The following FRY variants were observed in gnomAD, a reference collection of about 807,000 sequenced individuals.
FRY encodes the protein protein furry homolog.
In FRY, 128 loss-of-function variants were observed where a neutral mutation model predicts 348.4. The ratio of observed to expected loss-of-function variants is 0.37; its 90% CI spans 0.32 to 0.43. FRY has a LOEUF of 0.43. FRY is among the 20% of genes least tolerant of loss of function. The probability of loss-of-function intolerance (pLI) is 1.00; values close to 1 mark genes in which losing one functional copy is unlikely to be tolerated. For synonymous variants in FRY, 1,370 were observed against 1,374.7 expected, an observed-to-expected ratio of 1.00 and a Z score of 0.08; for missense variants, 2,736 against 3,695.2, an observed-to-expected ratio of 0.74 and a Z score of 6.73.
rs142125885 is a variant in FRY at position 32,261,299 on chromosome 13, T to C, written c.7417-317T>C. 4.4e-3 allele frequency among the ~76,000 whole-genome samples: 666 copies of C among 152,330 alleles called. 2 individuals carry two copies. The highest frequency in any genetic ancestry group is 0.02 in the Middle Eastern group (6 of 294). On this transcript the variant is annotated intron_variant, in intron 51 of 60. Coordinates refer to ENST00000542859, the MANE Select transcript of FRY (RefSeq NM_023037.3). ...GAAGTTTTCATACTAATGGTCTCTT[T>C]GTTACAGATTTTTGAAAACACAGAT...
At chr13:32,263,072 T>A (rs904373146) in intron 53 of FRY, among the ~76,000 whole-genome samples, 2 of 152,230 alleles carry the variant, frequency 1.3e-5, no homozygotes, top group Non-Finnish European at 2.9e-5. Context: ...TATATTTCAT[T>A]TAAAGTTTAT....
At chr13:32,212,227 G>A in intron 34 of FRY, 65 bp from the exon 35 acceptor site, 4 of 872,458 alleles carry the variant, frequency 4.6e-6, no homozygotes, top group African/African-American at 1.7e-5. Flanking sequence ...AATTACTTGA[G>A]ACTTGAGCTT....
chr13:32,058,604 TCACCTGTC>T (rs1459591433), intron 1 of FRY, among the ~76,000 whole-genome samples: 1 of 152,226 alleles, frequency 6.6e-6, no homozygotes, highest in Non-Finnish European at 1.5e-5. Context: ...TTAGGATCCT[TCACCTGTC>T]CATGATTTTT....
chr13:32,202,289 C>A, intron 30 of FRY, 67 bp from the exon 31 acceptor site: 2 of 1,231,668 alleles, frequency 1.6e-6, no homozygotes, highest in Non-Finnish European at 2.4e-6. Context: ...TTGTTAAATA[C>A]AAATGCTCAT....
At chr13:32,111,667 C>T (rs879581752) in intron 3 of FRY, among the ~76,000 whole-genome samples, 10 of 152,126 alleles carry the variant, frequency 6.6e-5, no homozygotes, top group South Asian at 2.1e-4. Context: ...TTTTACAGAA[C>T]GCTCTTATAC....
At chr13:32,254,069 C>T in intron 50 of FRY, 155 bp from the exon 51 acceptor site, 1 of 750,280 alleles carries the variant, frequency 1.3e-6, no homozygotes, top group Non-Finnish European at 2.4e-6. Flanking sequence ...AGGCACCTGT[C>T]CAACATAAAT....
chr13:32,042,937 G>A (rs908114922), intron 1 of FRY, among the ~76,000 whole-genome samples: 1 of 152,188 alleles, frequency 6.6e-6, no homozygotes, highest in Non-Finnish European at 1.5e-5. Flanking sequence ...AAGAATGATA[G>A]GCAACTAATA....
At chr13:32,174,752 C>G (rs1368683169) in intron 19 of FRY, among the ~76,000 whole-genome samples, 1 of 152,080 alleles carries the variant, frequency 6.6e-6, no homozygotes, top group Non-Finnish European at 1.5e-5. Context: ...CACTGTCATT[C>G]ACACAGAAAT....
rs772156690 is a variant in FRY, at chr13:32,179,039, A to G, written c.2871+6A>G. ...CAGTGAGCTACGATAACAAGGTGAC[A>G]TGACATGCTTCAGAAGAATTATTCT... On this transcript the variant is annotated splice_donor_region_variant and intron_variant, in intron 22 of 60. Transcript: ENST00000542859. 6.2e-6 allele frequency: 10 copies of G among 1,608,344 alleles called. No individual in the cohort carries two copies. Among genetic ancestry groups the G allele is most frequent in the Admixed American group, 5.0e-5 (3 of 59,968 alleles).
At chr13:32,101,399 T>G (rs1235959603) in intron 2 of FRY, among the ~76,000 whole-genome samples, 1 of 152,252 alleles carries the variant, frequency 6.6e-6, no homozygotes, top group Non-Finnish European at 1.5e-5. Flanking sequence ...ACTCTATATT[T>G]TGGTTATTGT....
At chr13:32,227,473 C>A (rs1247466984) in intron 39 of FRY, among the ~76,000 whole-genome samples, 1 of 152,132 alleles carries the variant, frequency 6.6e-6, no homozygotes, top group East Asian at 1.9e-4. Flanking sequence ...GCACTACATA[C>A]TTTTTATGAT....
At chr13:32,178,113 G>A (rs964614577) in intron 20 of FRY, 64 bp from the exon 21 acceptor site, 7 of 1,569,616 alleles carry the variant, frequency 4.5e-6, no homozygotes, top group Non-Finnish European at 5.3e-6. Flanking sequence ...GTCAGGCTGA[G>A]CCTTGATGAG....
At chr13:32,104,330 A>T (rs1877391595) in intron 3 of FRY, among the ~76,000 whole-genome samples, 1 of 152,182 alleles carries the variant, frequency 6.6e-6, no homozygotes, top group South Asian at 2.1e-4. Context: ...TTGTCCATGG[A>T]TCTGTGTCAT....
chr13:32,237,872 C>G lies in FRY; in HGVS notation c.6304C>G (p.Gln2102Glu). Residue 2102 changes from glutamine to glutamate, a missense_variant, in exon 44 of 61, where the codon CAG becomes GAG. Coordinates refer to ENST00000542859, the MANE Select transcript of FRY (RefSeq NM_023037.3). The surrounding 1 kb of genome is among the most constrained non-coding windows in gnomAD (Gnocchi z 6.3). The stretch of plus-strand genomic sequence containing the variant: ...GTGGGCCGACTTCTCCGGGCTGCAG[C>G]AGCTGCTGCTGAAAGGATTCACATC... ...LKWADFSGLQ[Q>E]LLLKGFTSLT... is the part of the protein sequence containing the mutation. The G allele has an allele frequency of 6.2e-7, 1 of 1,614,168 alleles. No homozygotes were observed. Among genetic ancestry groups the G allele is most frequent in the South Asian group, 1.1e-5 (1 of 91,080 alleles).
Position 32,267,316 on chromosome 13 carries a change from C to T in FRY, c.8093C>T (p.Ser2698Phe). 6.2e-7 allele frequency: 1 copy of T among 1,614,124 alleles called. No homozygotes were observed. Among genetic ancestry groups the T allele is most frequent in the Non-Finnish European group, 8.5e-7 (1 of 1,180,016 alleles). Residue 2698 changes from serine (S) to phenylalanine (F), a missense_variant, in exon 55 of 61, where the codon TCC becomes TTC. Coordinates refer to ENST00000542859, the MANE Select transcript of FRY (RefSeq NM_023037.3). ...CAGCTTATGTGTGACTCAGATGGCT[C>T]CTGTGCTGTGTATACATTTCATGTG... ...INQLMCDSDG[S>F]CAVYTFHVFS...
In FRY at chr13:32,237,379, C is replaced by T. The variant is rs1363184063; in HGVS notation, c.5811C>T (p.Arg1937=). 2.9e-5 allele frequency: 47 copies of T among 1,613,872 alleles called. No individual in the cohort carries two copies. Among genetic ancestry groups the T allele is most frequent in the Non-Finnish European group, 4.0e-5 (47 of 1,179,974 alleles). The stretch of plus-strand genomic sequence containing the variant: ...TAAACTTATTTATTTTTATACCCAG[C>T]TCTTCCTCACCAGATTTAAGCTCCA... ...KNSDLLTVLS[R]SSSPDLSSSS... is the part of the protein sequence containing the mutation. Residue 1937 remains arginine (R), a splice_region_variant and synonymous_variant, in exon 44 of 61, where the codon CGC becomes CGT. Transcript: ENST00000542859. The surrounding 1 kb of genome is among the most constrained non-coding windows in gnomAD (Gnocchi z 6.3).
intron 17 of FRY, among the ~76,000 whole-genome samples, chr13:32,164,455 G>T (rs1181601585): frequency 6.6e-6 from 1 of 152,050 alleles, no homozygotes; most frequent in Non-Finnish European, 1.5e-5. Flanking sequence ...CTGCTCCCAG[G>T]CCCTTCCTGC....
At chr13:32,163,224 G>A (rs1881549047) in intron 17 of FRY, among the ~76,000 whole-genome samples, 3 of 152,304 alleles carry the variant, frequency 2.0e-5, no homozygotes, top group South Asian at 2.1e-4. Flanking sequence ...GTGGCTGAGC[G>A]AAAAGCCCCT....
chr13:32,162,801 C>G (rs1379352468), intron 17 of FRY, among the ~76,000 whole-genome samples: 1 of 152,146 alleles, frequency 6.6e-6, no homozygotes, highest in Non-Finnish European at 1.5e-5. Context: ...TCCTTCCAGT[C>G]CACACTTAGG....
Sources: gnomAD v4.1 joint callset for allele counts (sites outside exome capture counted in the v4.1 genomes callset) on GRCh38, gnomAD v4.1.1 for gene constraint, Gnocchi (gnomAD v3.1) non-coding constraint, MANE v1.5 for transcripts, NCBI Gene and HGNC (gene_info 2026-07-23, HGNC 2026-07-21) for gene names.